PHACTR2: variants seen among roughly 807,000 people sequenced by gnomAD.
PHACTR2 encodes the protein chromosome 6 open reading frame 56.
In PHACTR2, 30 loss-of-function variants were observed where a neutral mutation model predicts 76.0. That is an observed-to-expected ratio of 0.39 (90% confidence interval 0.30 to 0.54). The LOEUF (loss-of-function observed/expected upper bound fraction) is 0.54, where lower values mean the gene tolerates loss of function less well. Among genes scored for constraint, PHACTR2 ranks in the 20% least tolerant of loss-of-function variants. PHACTR2 has a pLI of 0.61. For synonymous variants in PHACTR2, 292 were observed against 292.5 expected, an observed-to-expected ratio of 1.00 and a Z score of 0.02; for missense variants, 696 against 781.1, an observed-to-expected ratio of 0.89 and a Z score of 1.30.
In PHACTR2 at chr6:143,543,524, G is replaced by A. The variant is rs1041238651; in HGVS notation, c.217+6317G>A. Among the ~76,000 whole-genome samples the A allele has an allele frequency of 2.6e-5, 4 of 152,196 alleles. No individual in the cohort carries two copies. The highest frequency in any genetic ancestry group is 5.9e-5 in the Non-Finnish European group (4 of 68,038). ...GAGAACCTAGGATGGTCGGCTATAG[G>A]GAATGGCTGTGGGGAGAAAATGCCT... On this transcript the variant is annotated intron_variant, in intron 1 of 11. Transcript: ENST00000367584. This position sits in a 1 kb window ranked among gnomAD's most constrained non-coding sequence, Gnocchi z 4.7.
Position 143,652,386 on chromosome 6 carries a change from G to A in PHACTR2, c.13+44064G>A, listed in dbSNP as rs923813770. 1.1e-4 allele frequency among the ~76,000 whole-genome samples: 17 copies of A among 149,410 alleles called. No individual in the cohort carries two copies. Among genetic ancestry groups the A allele is most frequent in the Non-Finnish European group, 2.5e-4 (17 of 67,424 alleles). The stretch of plus-strand genomic sequence containing the variant: ...GCATCAGCTAGACAAAGGTACCTGC[G>A]CTGCTGTTTGTTTGTTTGTTTGTTT... On this transcript the variant is annotated intron_variant, in intron 1 of 11. Transcript: ENST00000305766. The surrounding 1 kb of genome is among the most constrained non-coding windows in gnomAD (Gnocchi z 4.5).
rs144276185 is a variant in PHACTR2 at position 143,819,182 on chromosome 6, C to T, written c.1923-4492C>T. ...TCAACAAATAGTTATTGAGCACATC[C>T]CTAGTGAGCCAGATTGTGTTCTGGA... On this transcript the variant is annotated intron_variant, in intron 12 of 12. Coordinates refer to ENST00000440869, the MANE Select transcript of PHACTR2 (RefSeq NM_001100164.2). This position sits in a 1 kb window ranked among gnomAD's most constrained non-coding sequence, Gnocchi z 5.0. Among the ~76,000 whole-genome samples the T allele has an allele frequency of 4.9e-3, 753 of 152,272 alleles. 1 individual carries two copies. The highest frequency in any genetic ancestry group is 0.024 in the Middle Eastern group (7 of 294).
At position 143,541,213 on chromosome 6, in the gene PHACTR2, G is replaced by T. The variant is rs1781168665; in HGVS notation, c.217+4006G>T. On this transcript the variant is annotated intron_variant, in intron 1 of 11. Coordinates refer to the PHACTR2 transcript ENST00000367584. This position sits in a 1 kb window ranked among gnomAD's most constrained non-coding sequence, Gnocchi z 5.3. Reference sequence around the variant, plus strand: ...CATGTATTCTCTTAAGTTTTAGACAGATCCTGTTCGGTATTAAGGAGCTTT... The same window carrying T: ...CATGTATTCTCTTAAGTTTTAGACATATCCTGTTCGGTATTAAGGAGCTTT... Among the ~76,000 whole-genome samples, 1 of 152,224 alleles carries T rather than the reference G, an allele frequency of 6.6e-6. No homozygotes were observed. Among genetic ancestry groups the T allele is most frequent in the South Asian group, 2.1e-4 (1 of 4,830 alleles).
chr6:143,725,820 CAA>C lies in PHACTR2; in HGVS notation c.214+13652_214+13653del, dbSNP rs35596471. Among the ~76,000 whole-genome samples, 582 of 131,984 alleles carry C rather than the reference CAA, an allele frequency of 4.4e-3. 4 individuals are homozygous for C. The highest frequency in any genetic ancestry group is 0.014 in the African/African-American group (473 of 34,800). 86.6% of individuals were successfully genotyped at this position (131,984 alleles called of 152,430 possible). A position where few individuals can be genotyped will look rare whatever the true frequency, so the allele number is the denominator to read the frequency against. ...CAGCCTGGCAATAGAGACTCTGTCT[CAA>C]AAAAAAAAAAAAAAGAATGTCATAT... On this transcript the variant is annotated intron_variant, in intron 2 of 12. Coordinates refer to ENST00000440869, the MANE Select transcript of PHACTR2 (RefSeq NM_001100164.2).
rs1777762431 is a variant in PHACTR2 at position 143,696,029 on chromosome 6, G to A, written c.47-15987G>A. 6.6e-6 allele frequency among the ~76,000 whole-genome samples: 1 copy of A among 152,170 alleles called. No individual in the cohort carries two copies. The highest frequency in any genetic ancestry group is 6.5e-5 in the Admixed American group (1 of 15,288). ...AAAATAGTTTTATGTTTGTTGGTTT[G>A]ATTTTTAAAATTTTTTATTTTTTGC... On this transcript the variant is annotated intron_variant, in intron 1 of 12. Transcript: ENST00000440869. This position sits in a 1 kb window ranked among gnomAD's most constrained non-coding sequence, Gnocchi z 4.1.
chr6:143,687,845 C>T (rs565245164), intron 1 of PHACTR2, among the ~76,000 whole-genome samples: 11 of 152,242 alleles, frequency 7.2e-5, no homozygotes, highest in African/African-American at 2.4e-4. Context: ...TACAAATCAG[C>T]CTGTTTTATG....
At position 143,616,586 on chromosome 6, in the gene PHACTR2, C is replaced by T. The variant is rs1330139659; in HGVS notation, c.13+8264C>T. 6.6e-6 allele frequency among the ~76,000 whole-genome samples: 1 copy of T among 152,088 alleles called. No homozygotes were observed. Among genetic ancestry groups the T allele is most frequent in the Non-Finnish European group, 1.5e-5 (1 of 68,034 alleles). On this transcript the variant is annotated intron_variant, in intron 1 of 11. Coordinates refer to the PHACTR2 transcript ENST00000305766. The surrounding 1 kb of genome is among the most constrained non-coding windows in gnomAD (Gnocchi z 4.9). The stretch of plus-strand genomic sequence containing the variant: ...ATGTTTCCTGGTCACCCACTCTGTG[C>T]CACGCAATGTCCTAGTTAGTGTGGA...
chr6:143,633,130 T>A lies in PHACTR2; in HGVS notation c.13+24808T>A, dbSNP rs773061925. Among the ~76,000 whole-genome samples, 7 of 152,262 alleles carry A rather than the reference T, an allele frequency of 4.6e-5. No homozygotes were observed. The highest frequency in any genetic ancestry group is 7.3e-5 in the Non-Finnish European group (5 of 68,040). On this transcript the variant is annotated intron_variant, in intron 1 of 11. Coordinates refer to the PHACTR2 transcript ENST00000305766. This position sits in a 1 kb window ranked among gnomAD's most constrained non-coding sequence, Gnocchi z 4.1. Reference sequence around the variant, plus strand: ...GCCGATTTGGTTAAATACCAAGGCGTGCAATTGCTGAATCATAGGGTGAGA... The same window carrying A: ...GCCGATTTGGTTAAATACCAAGGCGAGCAATTGCTGAATCATAGGGTGAGA...
chr6:143,714,538 G>A lies in PHACTR2; in HGVS notation c.214+2355G>A, dbSNP rs115816855. Among the ~76,000 whole-genome samples the A allele has an allele frequency of 7.5e-3, 1,147 of 152,314 alleles. 14 individuals carry two copies. Among genetic ancestry groups the A allele is most frequent in the African/African-American group, 0.026 (1,090 of 41,564 alleles). On this transcript the variant is annotated intron_variant, in intron 2 of 12. Coordinates refer to ENST00000440869, the MANE Select transcript of PHACTR2 (RefSeq NM_001100164.2). ...TTGTATTTTGGAGTGCTCATTCTAC[G>A]TCTAAAGGACATCTTGCCCTATAAG...
At chr6:143,649,976 A>C (rs1776729562) in intron 1 of PHACTR2, among the ~76,000 whole-genome samples, 1 of 152,268 alleles carries the variant, frequency 6.6e-6, no homozygotes, top group Non-Finnish European at 1.5e-5. Flanking sequence ...TAAGCTGATA[A>C]GCAACTTCAG....
At position 143,700,508 on chromosome 6, in the gene PHACTR2, T is replaced by C. The variant is rs1224200526; in HGVS notation, c.47-11508T>C. Among the ~76,000 whole-genome samples the C allele has an allele frequency of 6.6e-6, 1 of 152,056 alleles. No homozygotes were observed. The highest frequency in any genetic ancestry group is 1.9e-4 in the East Asian group (1 of 5,194). ...AGCCGGAGGTTGCAGTGAGCTGAGA[T>C]CTCACCACTGCACTCCATCTGGGTG... On this transcript the variant is annotated intron_variant, in intron 1 of 12. Transcript: ENST00000440869. This position sits in a 1 kb window ranked among gnomAD's most constrained non-coding sequence, Gnocchi z 4.1.
chr6:143,758,762 G>A (rs1295429530), intron 4 of PHACTR2, among the ~76,000 whole-genome samples: 1 of 152,164 alleles, frequency 6.6e-6, no homozygotes, highest in Non-Finnish European at 1.5e-5. Context: ...GGATTTTGTG[G>A]CTGAGGCAGG....
rs1281580815 is a variant in PHACTR2, at chr6:143,830,664, A to G, written c.*6975A>G. 1 of 152,220 alleles carries G rather than the reference A, an allele frequency of 6.6e-6. No individual in the cohort carries two copies. 9.4% of individuals were successfully genotyped at this position (152,220 alleles called of 1,614,324 possible). A position where few individuals can be genotyped will look rare whatever the true frequency, so the allele number is the denominator to read the frequency against. On this transcript the variant is annotated 3_prime_UTR_variant, in exon 13 of 13. Coordinates refer to ENST00000440869, the MANE Select transcript of PHACTR2 (RefSeq NM_001100164.2). ...TTCCGTACTGGTATTTGTGTTATTT[A>G]AAAAGCAAAATTCTGCTCTATTTAG...
chr6:143,757,320 T>A lies in PHACTR2; in HGVS notation c.455-3081T>A, dbSNP rs1779324658. 6.6e-6 allele frequency among the ~76,000 whole-genome samples: 1 copy of A among 152,142 alleles called. No individual in the cohort carries two copies. The highest frequency in any genetic ancestry group is 6.5e-5 in the Admixed American group (1 of 15,278). On this transcript the variant is annotated intron_variant, in intron 4 of 12. Coordinates refer to ENST00000440869, the MANE Select transcript of PHACTR2 (RefSeq NM_001100164.2). The surrounding 1 kb of genome is among the most constrained non-coding windows in gnomAD (Gnocchi z 4.2). ...GGCAATTGTAGTGCAAGATGCGAAG[T>A]ACCGTAGAAGGCCTGAGCACAGCAA...
In PHACTR2 at chr6:143,791,003, C is replaced by T. The variant is rs778709083; in HGVS notation, c.1845+2093C>T. On this transcript the variant is annotated intron_variant, in intron 11 of 12. Transcript: ENST00000440869. The surrounding 1 kb of genome is among the most constrained non-coding windows in gnomAD (Gnocchi z 4.7). ...ACAAGATTCTTAAACTTAATACAGT[C>T]GAATTTATCAACCTTTTTCTTTATG... Among the ~76,000 whole-genome samples the T allele has an allele frequency of 2.6e-5, 4 of 152,104 alleles. No individual in the cohort carries two copies. The highest frequency in any genetic ancestry group is 4.4e-5 in the Non-Finnish European group (3 of 68,006).
At chr6:143,797,389 T>C (rs1180921619) in intron 11 of PHACTR2, among the ~76,000 whole-genome samples, 1 of 152,256 alleles carries the variant, frequency 6.6e-6, no homozygotes, top group Non-Finnish European at 1.5e-5. Context: ...TAATTTCTTT[T>C]GCTGTGCAGA....
chr6:143,745,577 GAATGTGCTCTGCA>G (rs1197381618), intron 2 of PHACTR2, among the ~76,000 whole-genome samples: 11 of 152,230 alleles, frequency 7.2e-5, no homozygotes, highest in African/African-American at 2.7e-4. Context: ...AGTGTCCAGT[GAATGTGCTCTGCA>G]AACATGCAGG....
At chr6:143,666,371 C>A (rs1479812797) in intron 1 of PHACTR2, among the ~76,000 whole-genome samples, 3 of 152,076 alleles carry the variant, frequency 2.0e-5, no homozygotes, top group African/African-American at 4.8e-5. Context: ...AGCATGATTT[C>A]TAATCCTTTG....
intron 1 of PHACTR2, among the ~76,000 whole-genome samples, chr6:143,590,589 T>C (rs558469956): frequency 1.3e-5 from 2 of 151,494 alleles, no homozygotes; most frequent in African/African-American, 4.8e-5. Flanking sequence ...GTGGGTGCTA[T>C]TGAAAAAGAG....
Sources: gnomAD v4.1 joint callset for allele counts (sites outside exome capture counted in the v4.1 genomes callset) on GRCh38, gnomAD v4.1.1 for gene constraint, Gnocchi (gnomAD v3.1) non-coding constraint, MANE v1.5 for transcripts, NCBI Gene and HGNC (gene_info 2026-07-23, HGNC 2026-07-21) for gene names.